Variants in DNAH9 observed in about 807,000 individuals in gnomAD.
DNAH9 encodes the protein dynein axonemal heavy chain 9.
DNAH9 carries 345 observed loss-of-function variants against 471.6 expected under a neutral mutation model. The observed-to-expected ratio is 0.73, with a 90% CI of 0.67 to 0.80. The LOEUF (loss-of-function observed/expected upper bound fraction) is 0.80, where lower values mean the gene tolerates loss of function less well. DNAH9 is among the 30% of genes least tolerant of loss of function. DNAH9 has a pLI of 0.00. For missense variants in DNAH9, 5,407 were observed against 5,609.2 expected, an observed-to-expected ratio of 0.96 and a Z score of 1.15; for synonymous variants, 2,093 against 2,123.6, an observed-to-expected ratio of 0.99 and a Z score of 0.40.
chr17:11,636,929 G>T (rs933074201), intron 9 of DNAH9, 145 bp downstream of exon 9: 14 of 748,158 alleles, frequency 1.9e-5, no homozygotes, highest in African/African-American at 3.5e-5. Context: ...TGAAATTCCA[G>T]ACCACCTTGG....
chr17:11,783,616 C>T, intron 39 of DNAH9, 30 bp from the exon 40 acceptor site: 1 of 1,578,568 alleles, frequency 6.3e-7, no homozygotes, highest in Middle Eastern at 1.7e-4. Flanking sequence ...TCCTCAGACA[C>T]CTTTCACCTA....
chr17:11,958,536 C>T (rs563517822), intron 67 of DNAH9, among the ~76,000 whole-genome samples: 7 of 152,094 alleles, frequency 4.6e-5, no homozygotes, highest in Admixed American at 1.3e-4. Context: ...GAATGTACAA[C>T]GCAAAGGGCA....
chr17:11,940,996 T>C (rs1974886303), intron 66 of DNAH9, among the ~76,000 whole-genome samples: 1 of 152,130 alleles, frequency 6.6e-6, no homozygotes, highest in African/African-American at 2.4e-5. Context: ...AAAATCACGA[T>C]GGCTCTAGAG....
At chr17:11,925,090 T>G (rs1315515148) in intron 62 of DNAH9, 1 of 426,890 alleles carries the variant, frequency 2.3e-6, no homozygotes, top group Non-Finnish European at 4.6e-6. Context: ...TTTTGAAATC[T>G]TCTATTAGAG....
chr17:11,902,662 A>G (rs1973451077), intron 59 of DNAH9, 57 bp from the exon 60 acceptor site: 2 of 1,520,116 alleles, frequency 1.3e-6, no homozygotes, highest in African/African-American at 2.8e-5. Context: ...CCCCCAACAC[A>G]ATGCAAATGA....
intron 43 of DNAH9, among the ~76,000 whole-genome samples, chr17:11,798,128 A>G (rs748440211): frequency 2.0e-5 from 3 of 152,078 alleles, no homozygotes; most frequent in Non-Finnish European, 4.4e-5. Context: ...TATTAGTCCA[A>G]GGGCCATTTA....
At chr17:11,726,803 CT>C (rs1200495314) in intron 27 of DNAH9, among the ~76,000 whole-genome samples, 2 of 152,142 alleles carry the variant, frequency 1.3e-5, no homozygotes, top group Non-Finnish European at 2.9e-5. Flanking sequence ...CATCCCAGCA[CT>C]TTGGGAGGCC....
intron 38 of DNAH9, among the ~76,000 whole-genome samples, chr17:11,774,000 G>A (rs1031092086): frequency 1.3e-5 from 2 of 152,138 alleles, no homozygotes; most frequent in African/African-American, 4.8e-5. Context: ...GCCAGGCGTG[G>A]TGGTGCGTGC....
chr17:11,745,062 C>T lies in DNAH9; in HGVS notation c.6377C>T (p.Ala2126Val), dbSNP rs143162500. The change falls in exon 31 of 69, where the codon GCT becomes GTT. Residue 2126 changes from alanine to valine, a missense_variant. Transcript: ENST00000262442. ...GCGATAGTGGATCTGAAGCTCCAGG[C>T]TGAGGACAACTTTGTGCTCAAGGTA... ...RKAIVDLKLQ[A>V]EDNFVLKVVQ... The T allele has an allele frequency of 1.3e-4, 210 of 1,613,260 alleles. 1 individual carries two copies. In the African/African-American group the frequency reaches 2.5e-3, roughly 19 times the overall value.
At chr17:11,693,476 C>T (rs1207715863) in intron 20 of DNAH9, among the ~76,000 whole-genome samples, 1 of 151,180 alleles carries the variant, frequency 6.6e-6, no homozygotes, top group Non-Finnish European at 1.5e-5. Flanking sequence ...CCAGGCTGGT[C>T]TCAAACTCCT....
At chr17:11,611,862 T>C (rs779921620) in intron 4 of DNAH9, 82 bp downstream of exon 4, 1 of 1,406,656 alleles carries the variant, frequency 7.1e-7, no homozygotes, top group East Asian at 2.3e-5. Context: ...CTGTCTGAAT[T>C]CCGCAACTTC....
At chr17:11,781,424 C>G (rs944118390) in intron 39 of DNAH9, among the ~76,000 whole-genome samples, 1 of 152,196 alleles carries the variant, frequency 6.6e-6, no homozygotes, top group Non-Finnish European at 1.5e-5. Flanking sequence ...GGAAAAAAAA[C>G]CTACTTTTTG....
chr17:11,679,945 A>G lies in DNAH9; in HGVS notation c.3542A>G (p.Gln1181Arg), dbSNP rs1017281932. The change falls in exon 18 of 69, where the codon CAA becomes CGA. Residue 1181 changes from glutamine to arginine, a missense_variant. Gln to Arg is a conservative substitution (Grantham distance 43). This residue lies in a region of DNAH9 where 4,636 missense variants were observed against 4,900.3 expected (regional missense o/e 0.95). Coordinates refer to ENST00000262442, the MANE Select transcript of DNAH9 (RefSeq NM_001372.4). ...QTIELLKTYE[Q>R]ELPETVFKQL... is the part of the protein sequence containing the mutation. ...ATTGAATTGCTGAAGACCTATGAAC[A>G]AGAATTGCCAGAAACAGTGTTTAAG... 1 of 1,614,106 alleles carries G rather than the reference A, an allele frequency of 6.2e-7. No homozygotes were observed. Among genetic ancestry groups the G allele is most frequent in the African/African-American group, 1.3e-5 (1 of 75,056 alleles).
chr17:11,620,511 C>CAAAAA (rs11440277), intron 6 of DNAH9, among the ~76,000 whole-genome samples: 1 of 119,194 alleles, frequency 8.4e-6, no homozygotes, highest in Non-Finnish European at 1.7e-5. Flanking sequence ...GACTCTGTCT[C>CAAAAA]AAAAAAAAAA....
chr17:11,796,996 G>A (rs189398600), intron 42 of DNAH9, among the ~76,000 whole-genome samples: 6 of 152,220 alleles, frequency 3.9e-5, no homozygotes, highest in South Asian at 2.1e-4. Flanking sequence ...CACACAGCCC[G>A]AAAGTGTTGT....
Position 11,962,332 on chromosome 17 carries a change from T to G in DNAH9, c.13233+76T>G. ...CACATTGCTTCCTATGAAGTGTGAC[T>G]ACTAAAAGAGATATTCCTGAATCTT... On this transcript the variant is annotated intron_variant, in intron 68 of 68. Transcript: ENST00000262442. This position sits in a 1 kb window ranked among gnomAD's most constrained non-coding sequence, Gnocchi z 4.1. 16 of 1,494,020 alleles carry G rather than the reference T, an allele frequency of 1.1e-5. No homozygotes were observed. The highest frequency in any genetic ancestry group is 1.4e-5 in the Non-Finnish European group (16 of 1,127,850). 92.5% of individuals were successfully genotyped at this position (1,494,020 alleles called of 1,614,324 possible). A position where few individuals can be genotyped will look rare whatever the true frequency, so the allele number is the denominator to read the frequency against.
At chr17:11,701,301 A>G (rs2074590858) in intron 24 of DNAH9, 54 bp downstream of exon 24, 1 of 1,580,568 alleles carries the variant, frequency 6.3e-7, no homozygotes, top group Non-Finnish European at 8.7e-7. Flanking sequence ...CTTCCTCCGC[A>G]GCCTCCCCCA....
chr17:11,873,982 C>T (rs766840119), intron 52 of DNAH9, among the ~76,000 whole-genome samples: 6 of 152,050 alleles, frequency 3.9e-5, no homozygotes, highest in Non-Finnish European at 7.4e-5. Context: ...TGGTGGGTCA[C>T]GCCTGTAATC....
chr17:11,752,768 G>A (rs1415460181), intron 32 of DNAH9, 65 bp from the exon 33 acceptor site: 5 of 1,393,234 alleles, frequency 3.6e-6, no homozygotes, highest in Admixed American at 2.2e-5. Context: ...AAGGGGGAAA[G>A]CTGTGTTTAA....
Sources: gnomAD v4.1 joint callset for allele counts (sites outside exome capture counted in the v4.1 genomes callset) on GRCh38, gnomAD v4.1.1 for gene constraint, gnomAD v4.1.1 regional missense constraint, Gnocchi (gnomAD v3.1) non-coding constraint, MANE v1.5 for transcripts, NCBI Gene and HGNC (gene_info 2026-07-23, HGNC 2026-07-21) for gene names.